TNRC18: variants seen among roughly 807,000 people sequenced by gnomAD.
TNRC18 encodes trinucleotide repeat-containing gene 18 protein.
A neutral mutation model predicts 226.7 loss-of-function variants in TNRC18; 69 were observed. That is an observed-to-expected ratio of 0.30 (90% CI 0.25 to 0.37). The LOEUF (loss-of-function observed/expected upper bound fraction) is 0.37, where lower values mean the gene tolerates loss of function less well. TNRC18 is among the 10% of genes least tolerant of loss of function. The probability of loss-of-function intolerance (pLI) is 1.00; values close to 1 mark genes in which losing one functional copy is unlikely to be tolerated. For missense variants in TNRC18, 4,754 were observed against 4,256.6 expected, an observed-to-expected ratio of 1.12 and a Z score of -3.25; for synonymous variants, 2,449 against 1,927.6, an observed-to-expected ratio of 1.27 and a Z score of -7.09.
intron 24 of TNRC18, among the ~76,000 whole-genome samples, chr7:5,319,533 T>C (rs538061549): frequency 1.3e-5 from 2 of 152,240 alleles, no homozygotes; most frequent in East Asian, 1.9e-4. Flanking sequence ...TTTTGAGACG[T>C]AGTCTCACTC....
At chr7:5,352,796 A>G (rs1403203222) in intron 16 of TNRC18, among the ~76,000 whole-genome samples, 2 of 152,232 alleles carry the variant, frequency 1.3e-5, no homozygotes, top group Non-Finnish European at 2.9e-5. Context: ...CAGGCAGGCA[A>G]CGCTCCGGCC....
In TNRC18 at chr7:5,324,111, C is replaced by T; in HGVS notation, c.6442+103G>A. On this transcript the variant is annotated intron_variant, in intron 21 of 29. Transcript: ENST00000430969. The surrounding 1 kb of genome is among the most constrained non-coding windows in gnomAD (Gnocchi z 4.8). ...TCTCTGCTCCTGTGGTTCCCTGCCCCCAGCTAGCCCAGCCCTTCAGTCTCA... is the reference window on the plus strand; with the variant it reads ...TCTCTGCTCCTGTGGTTCCCTGCCCTCAGCTAGCCCAGCCCTTCAGTCTCA... 1 of 1,317,648 alleles carries T rather than the reference C, an allele frequency of 7.6e-7. No homozygotes were observed. The highest frequency in any genetic ancestry group is 1.0e-6 in the Non-Finnish European group (1 of 978,220). The allele number at this position is 1,317,648 out of a possible 1,614,324, so 81.6% of individuals were successfully genotyped here.
At chr7:5,334,292 ATTAACT>A (rs1789856920) in intron 18 of TNRC18, among the ~76,000 whole-genome samples, 1 of 130,522 alleles carries the variant, frequency 7.7e-6, no homozygotes, top group South Asian at 2.5e-4. Context: ...AATCCTATTA[ATTAACT>A]TTTTTTTTTT....
At chr7:5,401,110 G>T (rs988837964) in intron 2 of TNRC18, among the ~76,000 whole-genome samples, 1 of 151,852 alleles carries the variant, frequency 6.6e-6, no homozygotes. Flanking sequence ...TTGGGAGGCC[G>T]AGTGACTCAC....
rs1282736155 is a variant in TNRC18 at position 5,312,848 on chromosome 7, C to T, written c.8043G>A (p.Ser2681=). Residue 2681 remains serine (S), a synonymous_variant, in exon 27 of 30, where the codon TCG becomes TCA. Transcript: ENST00000430969. The surrounding 1 kb of genome is among the most constrained non-coding windows in gnomAD (Gnocchi z 6.3). Reference sequence around the variant, plus strand: ...TGGGGGCGGGGGCTGCCTCATCGTCCGAGCTGCAGGAAGAGTCCTCGTCTG... The same window carrying T: ...TGGGGGCGGGGGCTGCCTCATCGTCTGAGCTGCAGGAAGAGTCCTCGTCTG... ...STTDEDSSCS[S]DDEAAPAPTA... 14 of 1,524,450 alleles carry T rather than the reference C, an allele frequency of 9.2e-6. No individual in the cohort carries two copies. The highest frequency in any genetic ancestry group is 4.2e-5 in the Admixed American group (2 of 47,716). The allele number at this position is 1,524,450 out of a possible 1,614,324, so 94.4% of individuals were successfully genotyped here. A position where few individuals can be genotyped will look rare whatever the true frequency, so the allele number is the denominator to read the frequency against.
intron 2 of TNRC18, chr7:5,407,009 GTGGGACC>G (rs1461313771): frequency 2.0e-5 from 3 of 152,238 alleles, no homozygotes; most frequent in Non-Finnish European, 4.4e-5. Flanking sequence ...ACCTCCCGCT[GTGGGACC>G]TGGGGGTGGG....
intron 18 of TNRC18, 58 bp from the exon 19 acceptor site, chr7:5,333,107 C>A: frequency 6.6e-7 from 1 of 1,521,496 alleles, no homozygotes; most frequent in African/African-American, 1.4e-5. Context: ...TTCCCTCCCA[C>A]CCAGCCACAT....
At position 5,325,116 on chromosome 7, in the gene TNRC18, C is replaced by T. The variant is rs543731403; in HGVS notation, c.6280G>A (p.Gly2094Arg). 5 of 1,550,486 alleles carry T rather than the reference C, an allele frequency of 3.2e-6. No homozygotes were observed. The highest frequency in any genetic ancestry group is 2.7e-5 in the African/African-American group (2 of 73,124). ...CTCACCTCCTTCTTCACCTCCTTCC[C>T]TTTGGCCTTGGCTTTGCTCCTTTTG... ...AAKRSKAKAK[G>R]KEVKKENRGK... The change falls in exon 20 of 30, where the codon GGG becomes AGG. Residue 2094 changes from glycine to arginine, a missense_variant. Coordinates refer to ENST00000430969, the MANE Select transcript of TNRC18 (RefSeq NM_001080495.3).
Position 5,324,990 on chromosome 7 carries a change from G to T in TNRC18, c.6300+106C>A. On this transcript the variant is annotated intron_variant, in intron 20 of 29. Transcript: ENST00000430969. This position sits in a 1 kb window ranked among gnomAD's most constrained non-coding sequence, Gnocchi z 4.8. ...TCACCCGCAACCTCTCTGAGCCACA[G>T]CTATAGGGAGGGTGAATACAGAGGA... 1.5e-6 allele frequency: 2 copies of T among 1,358,140 alleles called. No homozygotes were observed. Among genetic ancestry groups the T allele is most frequent in the Non-Finnish European group, 9.9e-7 (1 of 1,012,010 alleles). 84.1% of individuals were successfully genotyped at this position (1,358,140 alleles called of 1,614,324 possible).
chr7:5,380,157 C>G (rs1048362883), intron 5 of TNRC18, among the ~76,000 whole-genome samples: 1 of 152,150 alleles, frequency 6.6e-6, no homozygotes, highest in South Asian at 2.1e-4. Flanking sequence ...TAATAAGCAG[C>G]ACCCCAGGCC....
intron 2 of TNRC18, among the ~76,000 whole-genome samples, chr7:5,404,985 G>C (rs913300759): frequency 6.6e-6 from 1 of 152,062 alleles, no homozygotes; most frequent in Non-Finnish European, 1.5e-5. Flanking sequence ...GGGTGTGGCT[G>C]CATGCGCCTG....
At position 5,312,851 on chromosome 7, in the gene TNRC18, G is replaced by A; in HGVS notation, c.8040C>T (p.Ser2680=). ...SSTTDEDSSC[S]SDDEAAPAPT... is the part of the protein sequence containing the mutation. ...GGGCGGGGGCTGCCTCATCGTCCGA[G>A]CTGCAGGAAGAGTCCTCGTCTGTGG... The change falls in exon 27 of 30, where the codon AGC becomes AGT. Residue 2680 remains serine (S), a synonymous_variant. Transcript: ENST00000430969. The surrounding 1 kb of genome is among the most constrained non-coding windows in gnomAD (Gnocchi z 6.3). 1 of 1,524,678 alleles carries A rather than the reference G, an allele frequency of 6.6e-7. No individual in the cohort carries two copies. The allele number at this position is 1,524,678 out of a possible 1,614,324, so 94.4% of individuals were successfully genotyped here.
In TNRC18 at chr7:5,307,257, A is replaced by G. The variant is rs956520253; in HGVS notation, c.*849T>C. ...TTTTTCACAGTTTTAAAAAGTTTAT[A>G]TATATATTTATATATATTTATCTTT... On this transcript the variant is annotated 3_prime_UTR_variant, in exon 30 of 30. Coordinates refer to ENST00000430969, the MANE Select transcript of TNRC18 (RefSeq NM_001080495.3). 4 of 148,384 alleles carry G rather than the reference A, an allele frequency of 2.7e-5. No homozygotes were observed. Among genetic ancestry groups the G allele is most frequent in the African/African-American group, 7.4e-5 (3 of 40,804 alleles). The allele number at this position is 148,384 out of a possible 1,614,324, so 9.2% of individuals were successfully genotyped here.
chr7:5,372,642 G>C (rs1794277336), intron 10 of TNRC18, among the ~76,000 whole-genome samples: 1 of 152,178 alleles, frequency 6.6e-6, no homozygotes, highest in Non-Finnish European at 1.5e-5. Context: ...TTGAACCTGG[G>C]AGATCAAGGC....
intron 18 of TNRC18, 43 bp downstream of exon 18, chr7:5,345,519 C>CCCCCCCCCCCCCCCCCCCCCCCCCACCA: frequency 5.7e-6 from 1 of 174,076 alleles, no homozygotes; most frequent in Admixed American, 6.8e-5. Context: ...TGGCGTCCGC[C>CCCCCCCCCCCCCCCCCCCCCCCCCACCA]CCTCCCACCC....
At chr7:5,375,350 A>C (rs1216410683) in intron 9 of TNRC18, among the ~76,000 whole-genome samples, 2 of 151,408 alleles carry the variant, frequency 1.3e-5, no homozygotes. Context: ...ACACCAGAAC[A>C]AAGCGCTCCA....
At chr7:5,409,800 C>T (rs1278022470) in intron 2 of TNRC18, among the ~76,000 whole-genome samples, 1 of 134,878 alleles carries the variant, frequency 7.4e-6, no homozygotes, top group African/African-American at 2.9e-5. Context: ...CATGGTGAAA[C>T]CCCGTCTCTA....
chr7:5,400,505 G>A (rs1350145455), intron 2 of TNRC18, among the ~76,000 whole-genome samples: 1 of 152,070 alleles, frequency 6.6e-6, no homozygotes, highest in African/African-American at 2.4e-5. Context: ...AGCTACTCGG[G>A]AGGTTTTTAG....
At chr7:5,345,928 G>A in intron 17 of TNRC18, 118 bp from the exon 18 acceptor site, 3 of 1,361,206 alleles carry the variant, frequency 2.2e-6, no homozygotes, top group Non-Finnish European at 2.9e-6. Context: ...GTCCTGAGCA[G>A]GGGGCCGCTG....
Sources: allele counts gnomAD v4.1 joint callset (sites outside exome capture counted in the v4.1 genomes callset), GRCh38; gene constraint gnomAD v4.1.1; non-coding constraint Gnocchi (gnomAD v3.1); transcripts MANE v1.5; gene names NCBI Gene and HGNC (gene_info 2026-07-23, HGNC 2026-07-21).